NCAM2: variants seen among roughly 807,000 people sequenced by gnomAD.
NCAM2 encodes N-CAM-2.
NCAM2 carries 30 observed loss-of-function variants against 98.1 expected under a neutral mutation model. The ratio of observed to expected loss-of-function variants is 0.31; its 90% CI spans 0.23 to 0.41. The LOEUF is 0.41. Ranked by LOEUF, NCAM2 falls within the 10% of genes least tolerant of loss-of-function variation. NCAM2 has a pLI of 1.00. For missense variants in NCAM2, 867 were observed against 1,005.8 expected (o/e 0.86, Z 1.87); for synonymous variants, 368 against 342.4 (o/e 1.07, Z -0.83).
intron 1 of NCAM2, among the ~76,000 whole-genome samples, chr21:21,041,375 T>A (rs2064901368): frequency 6.6e-6 from 1 of 152,140 alleles, no homozygotes; most frequent in African/African-American, 2.4e-5. Context: ...AGTAGCTGAT[T>A]TTAAATAAAG....
chr21:21,461,454 A>T (rs531103000), intron 12 of NCAM2, among the ~76,000 whole-genome samples: 31 of 152,040 alleles, frequency 2.0e-4, no homozygotes, highest in African/African-American at 7.2e-4. Flanking sequence ...CATAAGCAGT[A>T]CAATAAATAT....
At chr21:21,102,887 A>G (rs1225241200) in intron 1 of NCAM2, among the ~76,000 whole-genome samples, 2 of 152,062 alleles carry the variant, frequency 1.3e-5, no homozygotes, top group African/African-American at 4.8e-5. Flanking sequence ...ACTCTCCTCT[A>G]TAATTATGTA....
chr21:21,167,039 G>T (rs542422225), intron 1 of NCAM2, among the ~76,000 whole-genome samples: 1 of 152,118 alleles, frequency 6.6e-6, no homozygotes, highest in Non-Finnish European at 1.5e-5. Flanking sequence ...TATGCTATTA[G>T]TTTTGTTGTT....
intron 1 of NCAM2, among the ~76,000 whole-genome samples, chr21:21,260,547 T>C (rs2071856311): frequency 9.0e-6 from 1 of 111,018 alleles, no homozygotes; most frequent in Non-Finnish European, 1.8e-5. Context: ...TGGGGGCTTC[T>C]TTTTAGCCTT....
intron 1 of NCAM2, among the ~76,000 whole-genome samples, chr21:21,033,981 T>G (rs912894288): frequency 2.6e-5 from 4 of 151,704 alleles, no homozygotes; most frequent in African/African-American, 9.7e-5. Context: ...TCAGGAAGTT[T>G]TACATATTAA....
At chr21:21,008,967 C>T (rs1387555165) in intron 1 of NCAM2, among the ~76,000 whole-genome samples, 1 of 152,116 alleles carries the variant, frequency 6.6e-6, no homozygotes, top group African/African-American at 2.4e-5. Flanking sequence ...AGATAATATA[C>T]CTGAATTCTG....
rs9975741 is a variant in NCAM2, at chr21:21,174,593, A to T, written c.56-105985A>T. 9.1e-3 allele frequency among the ~76,000 whole-genome samples: 1,389 copies of T among 152,238 alleles called. 21 individuals carry two copies. Among genetic ancestry groups the T allele is most frequent in the Middle Eastern group, 0.068 (20 of 294 alleles). Reference sequence around the variant, plus strand: ...TGTTTCTGGAAGGCAATAAGTATAAATTTTATTTTTAAATTGAATTATAAC... The same window carrying T: ...TGTTTCTGGAAGGCAATAAGTATAATTTTTATTTTTAAATTGAATTATAAC... On this transcript the variant is annotated intron_variant, in intron 1 of 17. Transcript: ENST00000400546.
intron 16 of NCAM2, among the ~76,000 whole-genome samples, chr21:21,528,468 CTG>C (rs1989448228): frequency 6.6e-6 from 1 of 152,080 alleles, no homozygotes; most frequent in Admixed American, 6.6e-5. Flanking sequence ...TGGGAAATCT[CTG>C]TATCTCCCTC....
chr21:21,198,470 A>G (rs1377986660), intron 1 of NCAM2, among the ~76,000 whole-genome samples: 14 of 152,204 alleles, frequency 9.2e-5, no homozygotes, highest in Admixed American at 9.2e-4. Flanking sequence ...TGAATAGAGA[A>G]TGACCTTATA....
intron 12 of NCAM2, among the ~76,000 whole-genome samples, chr21:21,459,610 A>G (rs1340251833): frequency 6.7e-6 from 1 of 150,268 alleles, no homozygotes; most frequent in East Asian, 1.9e-4. Flanking sequence ...ATTTATATGT[A>G]CACACATATG....
rs1049957794 is a variant in NCAM2, at chr21:21,002,493, G to T, written c.55+3875G>T. 5.3e-5 allele frequency among the ~76,000 whole-genome samples: 8 copies of T among 152,168 alleles called. No individual in the cohort carries two copies. The East Asian group carries it at 1.5e-3, about 29-fold the overall frequency. ...TACAGAGATTGAGGCTAGTAACCAA[G>T]CTGAACAGTGTAATTTGTTTTTGCC... is the stretch of plus-strand genomic sequence containing the variant. On this transcript the variant is annotated intron_variant, in intron 1 of 17. Transcript: ENST00000400546.
At chr21:21,535,100 GA>G (rs1443754144) in intron 17 of NCAM2, among the ~76,000 whole-genome samples, 1 of 152,064 alleles carries the variant, frequency 6.6e-6, no homozygotes, top group Non-Finnish European at 1.5e-5. Flanking sequence ...GTGCAGAGGA[GA>G]AAATAATATT....
intron 1 of NCAM2, among the ~76,000 whole-genome samples, chr21:21,274,165 G>GAAA (rs199954458): frequency 5.1e-5 from 7 of 136,204 alleles, no homozygotes; most frequent in African/African-American, 1.9e-4. Flanking sequence ...AACTCTGTCT[G>GAAA]AAAAAAAAAA....
intron 16 of NCAM2, among the ~76,000 whole-genome samples, chr21:21,532,430 A>G (rs927358380): frequency 2.6e-5 from 4 of 152,262 alleles, no homozygotes; most frequent in African/African-American, 9.6e-5. Context: ...ACCAAAAACA[A>G]AAATAAGAAT....
At chr21:21,281,926 G>C (rs1311992901) in intron 2 of NCAM2, among the ~76,000 whole-genome samples, 1 of 151,504 alleles carries the variant, frequency 6.6e-6, no homozygotes, top group African/African-American at 2.4e-5. Context: ...ATCATATTCA[G>C]AGCATATATG....
At position 21,296,806 on chromosome 21, in the gene NCAM2, G is replaced by A. The variant is rs530983943; in HGVS notation, c.619+4565G>A. ...TGTCACAGAGGCAAGAGGAATCAAG[G>A]GTAATTTTAAGACTTCTAGTGTGGG... On this transcript the variant is annotated intron_variant, in intron 5 of 17. Transcript: ENST00000400546. Among the ~76,000 whole-genome samples, 114 of 151,754 alleles carry A rather than the reference G, an allele frequency of 7.5e-4. 2 individuals carry two copies. The South Asian group carries it at 0.021, about 27-fold the overall frequency.
intron 1 of NCAM2, among the ~76,000 whole-genome samples, chr21:21,188,699 T>A (rs1360304853): frequency 6.6e-6 from 1 of 152,180 alleles, no homozygotes; most frequent in Non-Finnish European, 1.5e-5. Flanking sequence ...ATGACAAAAT[T>A]ACGTAATGCC....
chr21:21,398,534 A>C (rs1418195097), intron 9 of NCAM2, among the ~76,000 whole-genome samples: 1 of 152,240 alleles, frequency 6.6e-6, no homozygotes, highest in African/African-American at 2.4e-5. Context: ...GAGTTAATTT[A>C]AATGTATGCA....
intron 8 of NCAM2, among the ~76,000 whole-genome samples, chr21:21,344,940 C>A (rs2075147001): frequency 6.6e-6 from 1 of 152,084 alleles, no homozygotes; most frequent in Non-Finnish European, 1.5e-5. Flanking sequence ...TAGAGTGAGA[C>A]TGTGTTTGGG....
Sources: gnomAD v4.1 joint callset for allele counts (sites outside exome capture counted in the v4.1 genomes callset) on GRCh38, gnomAD v4.1.1 for gene constraint, MANE v1.5 for transcripts, NCBI Gene and HGNC (gene_info 2026-07-23, HGNC 2026-07-21) for gene names.